FEZ2: variants seen among roughly 807,000 people sequenced by gnomAD.
FEZ2 encodes fasciculation and elongation protein zeta-2.
FEZ2 carries 51 observed loss-of-function variants against 40.4 expected under a neutral mutation model. That is an observed-to-expected ratio of 1.26 (90% CI 1.01 to 1.59). The LOEUF (loss-of-function observed/expected upper bound fraction) is 1.59, where lower values mean the gene tolerates loss of function less well. Among genes scored for constraint, FEZ2 ranks in the 40% most tolerant of loss-of-function variants. The probability of loss-of-function intolerance (pLI) is 0.00; values close to 1 mark genes in which losing one functional copy is unlikely to be tolerated. For synonymous variants in FEZ2, 242 were observed against 172.0 expected, an observed-to-expected ratio of 1.41 and a Z score of -3.18; for missense variants, 640 against 438.3, an observed-to-expected ratio of 1.46 and a Z score of -4.11.
chr2:36,574,670 G>A (rs1462226312), intron 5 of FEZ2, among the ~76,000 whole-genome samples: 1 of 151,704 alleles, frequency 6.6e-6, no homozygotes, highest in Non-Finnish European at 1.5e-5. Flanking sequence ...TCCCCCAAGT[G>A]GACAGAAGCA....
intron 5 of FEZ2, among the ~76,000 whole-genome samples, chr2:36,574,841 T>G (rs1668516046): frequency 6.6e-6 from 1 of 152,138 alleles, no homozygotes; most frequent in African/African-American, 2.4e-5. Context: ...CTCCTCCAGA[T>G]GCTGCAAAAA....
intron 5 of FEZ2, among the ~76,000 whole-genome samples, chr2:36,568,894 G>GTA (rs1668328273): frequency 6.6e-6 from 1 of 152,250 alleles, no homozygotes; most frequent in East Asian, 1.9e-4. Context: ...TAGCAACAAT[G>GTA]TATAAACAGG....
chr2:36,556,728 G>A (rs189696051), intron 6 of FEZ2: 31 of 152,236 alleles, frequency 2.0e-4, no homozygotes, highest in African/African-American at 7.0e-4. Context: ...CAGATATAAA[G>A]GTCATATCAT....
At chr2:36,559,877 T>C (rs1266150352) in intron 5 of FEZ2, among the ~76,000 whole-genome samples, 1 of 152,204 alleles carries the variant, frequency 6.6e-6, no homozygotes, top group African/African-American at 2.4e-5. Flanking sequence ...TTCATGGAGC[T>C]CATTGATGAG....
chr2:36,588,211 A>G (rs542760186), intron 2 of FEZ2, among the ~76,000 whole-genome samples: 1 of 152,104 alleles, frequency 6.6e-6, no homozygotes, highest in South Asian at 2.1e-4. Context: ...TATTTTTAGT[A>G]GAGACGGGGT....
intron 2 of FEZ2, among the ~76,000 whole-genome samples, chr2:36,584,841 T>C (rs1232263421): frequency 6.6e-6 from 1 of 152,166 alleles, no homozygotes; most frequent in Admixed American, 6.5e-5. Context: ...GTAAGAAACC[T>C]GCACGTGAGA....
chr2:36,593,787 G>T (rs1669137859), intron 1 of FEZ2, among the ~76,000 whole-genome samples: 1 of 151,886 alleles, frequency 6.6e-6, no homozygotes, highest in South Asian at 2.1e-4. Flanking sequence ...TAACATTAGG[G>T]TCCTTGCTAC....
intron 5 of FEZ2, among the ~76,000 whole-genome samples, chr2:36,567,216 T>TGATC (rs1407142577): frequency 6.6e-6 from 1 of 151,824 alleles, no homozygotes; most frequent in East Asian, 1.9e-4. Flanking sequence ...TTAGAGCCTA[T>TGATC]GATCGTTTCA....
intron 6 of FEZ2, chr2:36,556,668 ATAAT>A (rs1441282137): frequency 1.3e-5 from 2 of 152,292 alleles, no homozygotes; most frequent in Non-Finnish European, 2.9e-5. Flanking sequence ...AATGAGAATA[ATAAT>A]TAGATTTAAT....
chr2:36,578,892 A>G, intron 4 of FEZ2, 27 bp from the exon 5 acceptor site: 1 of 1,582,976 alleles, frequency 6.3e-7, no homozygotes, highest in Non-Finnish European at 8.6e-7. Context: ...AATACAGCAG[A>G]TATTAAGACA....
rs1281487727 is a variant in FEZ2, at chr2:36,590,917, G to C, written c.361C>G (p.Leu121Val). 5.0e-6 allele frequency: 8 copies of C among 1,596,878 alleles called. No individual in the cohort carries two copies. The highest frequency in any genetic ancestry group is 2.2e-5 in the East Asian group (1 of 44,826). The change falls in exon 2 of 8, where the codon CTC (leucine) becomes GTC (valine). Residue 121 changes from leucine to valine, a missense_variant. Leu to Val is a conservative substitution (Grantham distance 32). Transcript: ENST00000405912. Reference sequence around the variant, plus strand: ...TCCTAACTTACCCCTTTTTCTGAGAGGTTCAGAGTAAGCAAGTGCAAGGTC... The same window carrying C: ...TCCTAACTTACCCCTTTTTCTGAGACGTTCAGAGTAAGCAAGTGCAAGGTC... ...TRTLHLLTLN[L>V]SEKGVSDSLL...
In FEZ2 at chr2:36,553,056, T is replaced by G. The variant is rs1667859953; in HGVS notation, c.*107A>C. ...CTGTTAATACTGAATCAAACCCAAG[T>G]TCAAATGTGCTGAGTTTCCAATAGC... On this transcript the variant is annotated 3_prime_UTR_variant, in exon 8 of 8. Coordinates refer to ENST00000405912, the MANE Select transcript of FEZ2 (RefSeq NM_005102.3). 5 of 897,076 alleles carry G rather than the reference T, an allele frequency of 5.6e-6. No homozygotes were observed. The South Asian group carries it at 7.6e-5, about 14-fold the overall frequency. 55.6% of individuals were successfully genotyped at this position (897,076 alleles called of 1,614,324 possible).
chr2:36,556,087 C>T, intron 6 of FEZ2: 2 of 487,664 alleles, frequency 4.1e-6, no homozygotes, highest in South Asian at 1.6e-5. Context: ...AAGTGGGTTA[C>T]TATAATGTGC....
intron 2 of FEZ2, among the ~76,000 whole-genome samples, chr2:36,587,352 C>A (rs1668930142): frequency 6.6e-6 from 1 of 152,172 alleles, no homozygotes; most frequent in South Asian, 2.1e-4. Flanking sequence ...ATTATTCACT[C>A]CTCCCTTCAG....
At chr2:36,581,605 A>G (rs1373982752) in intron 3 of FEZ2, 174 bp from the exon 4 acceptor site, 2 of 583,432 alleles carry the variant, frequency 3.4e-6, no homozygotes, top group Non-Finnish European at 6.2e-6. Context: ...AGGAGTGAAC[A>G]TGGTTTATCA....
At chr2:36,558,093 CATAGAT>C (rs1200354583) in intron 6 of FEZ2, 6 of 162,608 alleles carry the variant, frequency 3.7e-5, no homozygotes, top group Non-Finnish European at 8.0e-5. Context: ...TACTGACAAT[CATAGAT>C]ATATAAGATC....
At chr2:36,564,272 T>C (rs964517527) in intron 5 of FEZ2, among the ~76,000 whole-genome samples, 2 of 152,240 alleles carry the variant, frequency 1.3e-5, no homozygotes, top group Admixed American at 1.3e-4. Flanking sequence ...TGTCTATATT[T>C]AATATCAATA....
chr2:36,553,254 T>C, intron 7 of FEZ2, 75 bp from the exon 8 acceptor site: 1 of 1,103,730 alleles, frequency 9.1e-7, no homozygotes, highest in Non-Finnish European at 1.3e-6. Context: ...ATTTTACATG[T>C]ACATTTAAAA....
At chr2:36,566,267 G>C (rs1480388570) in intron 5 of FEZ2, among the ~76,000 whole-genome samples, 1 of 151,734 alleles carries the variant, frequency 6.6e-6, no homozygotes, top group African/African-American at 2.4e-5. Flanking sequence ...GTGAATCCGG[G>C]AGGCGGAGCT....
Sources: gnomAD v4.1 joint callset for allele counts (sites outside exome capture counted in the v4.1 genomes callset) on GRCh38, gnomAD v4.1.1 for gene constraint, MANE v1.5 for transcripts, NCBI Gene and HGNC (gene_info 2026-07-23, HGNC 2026-07-21) for gene names.